The following HSPG2 variants were observed in gnomAD, a reference collection of about 807,000 sequenced individuals.
The protein encoded by HSPG2 is basement membrane-specific heparan sulfate proteoglycan core protein.
Under a neutral mutation model 526.6 loss-of-function variants are expected in HSPG2, and 278 were observed. That is an observed-to-expected ratio of 0.53 (90% CI 0.48 to 0.58). The LOEUF is 0.58. HSPG2 is among the 20% of genes least tolerant of loss of function. The pLI, the probability that HSPG2 is intolerant of heterozygous loss-of-function variation, is 0.00. For missense variants in HSPG2, 5,354 were observed against 6,099.5 expected (o/e 0.88, Z 4.07); for synonymous variants, 2,465 against 2,555.4 (o/e 0.96, Z 1.07).
Position 21,860,206 on chromosome 1 carries a change from C to G in HSPG2, c.4985G>C (p.Ser1662Thr). The G allele has an allele frequency of 2.5e-6, 4 of 1,613,804 alleles. No homozygotes were observed. Among genetic ancestry groups the G allele is most frequent in the Non-Finnish European group, 3.4e-6 (4 of 1,179,978 alleles). ...TGGCAGGCACTGGCCCCCTTGCACA[C>G]TGGGGTTACCCACGTAACCTGGGCC... is the stretch of plus-strand genomic sequence containing the variant. Reference protein sequence around the residue: ...QCGPGYVGNPSVQGGQCLPET... With the variant: ...QCGPGYVGNPTVQGGQCLPET... Residue 1662 changes from serine to threonine, a missense_variant, in exon 40 of 97, where the codon AGT (serine) becomes ACT (threonine). Ser to Thr is a moderately conservative substitution (Grantham distance 58). Coordinates refer to ENST00000374695, the MANE Select transcript of HSPG2 (RefSeq NM_005529.7).
At chr1:21,927,272 G>A (rs186982446) in intron 1 of HSPG2, among the ~76,000 whole-genome samples, 1 of 152,138 alleles carries the variant, frequency 6.6e-6, no homozygotes, top group Non-Finnish European at 1.5e-5. Flanking sequence ...TGATGGGGAG[G>A]GGGGACACAT....
chr1:21,851,381 G>A (rs1638881997), intron 55 of HSPG2, 165 bp downstream of exon 55: 1 of 919,098 alleles, frequency 1.1e-6, no homozygotes. Context: ...TTCACACCCA[G>A]GTTAGTCAGT....
chr1:21,848,519 G>T lies in HSPG2; in HGVS notation c.7737+124C>A. The T allele has an allele frequency of 1.7e-6, 2 of 1,161,246 alleles. No individual in the cohort carries two copies. Among genetic ancestry groups the T allele is most frequent in the Non-Finnish European group, 2.6e-6 (2 of 777,658 alleles). The allele number at this position is 1,161,246 out of a possible 1,614,324, so 71.9% of individuals were successfully genotyped here. On this transcript the variant is annotated intron_variant, in intron 59 of 96. Coordinates refer to ENST00000374695, the MANE Select transcript of HSPG2 (RefSeq NM_005529.7). The surrounding 1 kb of genome is among the most constrained non-coding windows in gnomAD (Gnocchi z 4.9). ...TCAGCACTGGTCTAGGACCCATCCA[G>T]CAAGGATACTCAATGTTTGTTGAAT... is the stretch of plus-strand genomic sequence containing the variant.
intron 85 of HSPG2, chr1:21,830,780 A>C: frequency 2.1e-6 from 1 of 476,422 alleles, no homozygotes; most frequent in Non-Finnish European, 3.8e-6. Context: ...GCAGGGCTGG[A>C]GGAGGGGAAG....
chr1:21,888,497 G>C (rs539082885), intron 6 of HSPG2, among the ~76,000 whole-genome samples: 2 of 152,180 alleles, frequency 1.3e-5, no homozygotes, highest in Non-Finnish European at 2.9e-5. Context: ...TTAGAGACAG[G>C]GTCTTGCTAC....
At chr1:21,915,902 T>C (rs905104680) in intron 1 of HSPG2, among the ~76,000 whole-genome samples, 3 of 150,506 alleles carry the variant, frequency 2.0e-5, no homozygotes, top group African/African-American at 7.3e-5. Context: ...ATAAAAAAAA[T>C]TAGCTGGGCG....
chr1:21,911,264 C>T (rs1299552976), intron 1 of HSPG2, among the ~76,000 whole-genome samples: 1 of 152,210 alleles, frequency 6.6e-6, no homozygotes, highest in Non-Finnish European at 1.5e-5. Context: ...GGAAGATGTA[C>T]TGGGAGGAGG....
rs1354007378 is a variant in HSPG2, at chr1:21,865,768, G to A, written c.4263C>T (p.Tyr1421=). 3.1e-6 allele frequency: 5 copies of A among 1,613,792 alleles called. No individual in the cohort carries two copies. The highest frequency in any genetic ancestry group is 4.2e-6 in the Non-Finnish European group (5 of 1,180,016). Residue 1421 remains tyrosine, a synonymous_variant, in exon 34 of 97, where the codon TAC becomes TAT. Coordinates refer to ENST00000374695, the MANE Select transcript of HSPG2 (RefSeq NM_005529.7). The surrounding 1 kb of genome is among the most constrained non-coding windows in gnomAD (Gnocchi z 5.4). The part of the protein sequence containing the change: ...YGGKLRYTLS[Y]TAGPQGSPLS... The stretch of plus-strand genomic sequence containing the variant: ...GTGGGCTGCCCTGTGGGCCTGCTGT[G>A]TAGGAGAGGGTGTATCGCAACTTCC...
intron 1 of HSPG2, among the ~76,000 whole-genome samples, chr1:21,905,479 C>T (rs779473925): frequency 5.3e-5 from 8 of 152,246 alleles, no homozygotes; most frequent in African/African-American, 1.2e-4. Flanking sequence ...CGGTGCCTCA[C>T]GCCTATAATC....
At chr1:21,900,656 G>A (rs771674694) in intron 1 of HSPG2, among the ~76,000 whole-genome samples, 4 of 152,140 alleles carry the variant, frequency 2.6e-5, no homozygotes, top group Admixed American at 1.3e-4. Context: ...CGGAGAGCAG[G>A]TACAGATCAC....
chr1:21,915,964 T>C (rs1401599989), intron 1 of HSPG2, among the ~76,000 whole-genome samples: 1 of 150,990 alleles, frequency 6.6e-6, no homozygotes, highest in Non-Finnish European at 1.5e-5. Context: ...GGAAGGAGAA[T>C]TGCTTGAACC....
intron 1 of HSPG2, among the ~76,000 whole-genome samples, chr1:21,902,263 G>A (rs1643142751): frequency 6.6e-6 from 1 of 152,200 alleles, no homozygotes; most frequent in Non-Finnish European, 1.5e-5. Flanking sequence ...TGTGCTGCCC[G>A]TGCCACTCGG....
At chr1:21,869,724 G>T (rs895887177) in intron 33 of HSPG2, 2 of 985,964 alleles carry the variant, frequency 2.0e-6, no homozygotes, top group African/African-American at 1.7e-5. Flanking sequence ...AAGGACGTCC[G>T]TGAGGCTTCA....
chr1:21,837,253 G>C (rs1353346023), intron 74 of HSPG2, among the ~76,000 whole-genome samples: 1 of 152,192 alleles, frequency 6.6e-6, no homozygotes, highest in Non-Finnish European at 1.5e-5. Flanking sequence ...CTTCTGGGTG[G>C]GGAGGGCAGG....
chr1:21,828,719 GGGCCCGTGGGT>G lies in HSPG2; in HGVS notation c.12237+105_12237+115del. The stretch of plus-strand genomic sequence containing the variant: ...CTCAGAGGTACAGTGTCCTGGCCCA[GGGCCCGTGGGT>G]GGCTGCAGGTGGAGGGGCCCAATGC... On this transcript the variant is annotated intron_variant, in intron 88 of 96. Coordinates refer to ENST00000374695, the MANE Select transcript of HSPG2 (RefSeq NM_005529.7). This position sits in a 1 kb window ranked among gnomAD's most constrained non-coding sequence, Gnocchi z 6.0. 1.4e-6 allele frequency: 2 copies of G among 1,438,032 alleles called. No homozygotes were observed. Among genetic ancestry groups the G allele is most frequent in the South Asian group, 2.5e-5 (2 of 81,270 alleles). The allele number at this position is 1,438,032 out of a possible 1,614,324, so 89.1% of individuals were successfully genotyped here.
chr1:21,877,332 A>C (rs1290514541), intron 21 of HSPG2, among the ~76,000 whole-genome samples: 1 of 151,716 alleles, frequency 6.6e-6, no homozygotes, highest in Non-Finnish European at 1.5e-5. Context: ...CTTGAGAGGT[A>C]GGTGATACCT....
chr1:21,888,952 G>A (rs1368538721), intron 6 of HSPG2, among the ~76,000 whole-genome samples: 1 of 152,194 alleles, frequency 6.6e-6, no homozygotes, highest in Admixed American at 6.5e-5. Flanking sequence ...TAGAGGCAGG[G>A]TTTTGCTCTG....
intron 1 of HSPG2, among the ~76,000 whole-genome samples, chr1:21,933,553 A>G (rs1218858221): frequency 2.6e-5 from 4 of 152,056 alleles, no homozygotes; most frequent in Non-Finnish European, 5.9e-5. Flanking sequence ...ACCTCCTGCC[A>G]CCTTCTTTCC....
At chr1:21,888,605 C>T in intron 6 of HSPG2, 1 of 1,253,614 alleles carries the variant, frequency 8.0e-7, no homozygotes, top group South Asian at 1.3e-5. Flanking sequence ...TGCACCCGGC[C>T]TCCTCTCCAA....
Sources: gnomAD v4.1 joint callset for allele counts (sites outside exome capture counted in the v4.1 genomes callset) on GRCh38, gnomAD v4.1.1 for gene constraint, Gnocchi (gnomAD v3.1) non-coding constraint, MANE v1.5 for transcripts, NCBI Gene and HGNC (gene_info 2026-07-23, HGNC 2026-07-21) for gene names.